The following ACVR1B variants were observed in gnomAD, a reference collection of about 807,000 sequenced individuals.
ACVR1B encodes activin receptor type-1B.
ACVR1B carries 15 observed loss-of-function variants against 55.6 expected under a neutral mutation model. That is an observed-to-expected ratio of 0.27 (90% CI 0.18 to 0.42). The LOEUF is 0.42. ACVR1B is among the 10% of genes least tolerant of loss of function. The pLI is 1.00. For missense variants in ACVR1B, 359 were observed against 670.1 expected (o/e 0.54, Z 5.13); for synonymous variants, 247 against 254.6 (o/e 0.97, Z 0.28).
At chr12:51,952,633 T>C (rs114498903) in intron 1 of ACVR1B, among the ~76,000 whole-genome samples, 1,946 of 152,174 alleles carry the variant, frequency 0.013, 41 homozygotes, top group African/African-American at 0.045. Flanking sequence ...GCTTTCCTCC[T>C]CGCCTCCCCC....
chr12:51,979,645 G>A (rs1941940495), intron 3 of ACVR1B, among the ~76,000 whole-genome samples: 1 of 152,182 alleles, frequency 6.6e-6, no homozygotes. Flanking sequence ...GCTTGTGCTG[G>A]GGAAGCAGGG....
chr12:51,958,735 G>A (rs545566938), intron 1 of ACVR1B, among the ~76,000 whole-genome samples: 6 of 152,156 alleles, frequency 3.9e-5, no homozygotes, highest in South Asian at 2.1e-4. Flanking sequence ...CCTCGCATGC[G>A]CGGTTCACCG....
rs1008343592 is a variant in ACVR1B at position 51,995,694 on chromosome 12, A to G, written c.*1584A>G. 7 of 152,334 alleles carry G rather than the reference A, an allele frequency of 4.6e-5. No homozygotes were observed. Among genetic ancestry groups the G allele is most frequent in the African/African-American group, 1.5e-4 (6 of 41,322 alleles). The allele number at this position is 152,334 out of a possible 1,614,324, so 9.4% of individuals were successfully genotyped here. A position where few individuals can be genotyped will look rare whatever the true frequency, so the allele number is the denominator to read the frequency against. ...TTTGTTTTTAAAGAAATCCCTAAAA[A>G]AAAAAATTATCCAATTGAACGCACA... is the stretch of plus-strand genomic sequence containing the variant. On this transcript the variant is annotated 3_prime_UTR_variant, in exon 9 of 9. Transcript: ENST00000257963.
chr12:51,952,816 GC>G (rs1941331645), intron 1 of ACVR1B, among the ~76,000 whole-genome samples: 1 of 30,706 alleles, frequency 3.3e-5, no homozygotes, highest in Non-Finnish European at 7.1e-5. Context: ...TTCCCAGCCC[GC>G]CCACCCTCAC....
chr12:51,980,694 C>G (rs1395518350), intron 3 of ACVR1B, among the ~76,000 whole-genome samples: 1 of 152,196 alleles, frequency 6.6e-6, no homozygotes, highest in Non-Finnish European at 1.5e-5. Flanking sequence ...AATCTATCAT[C>G]CGTGCTTACT....
intron 1 of ACVR1B, among the ~76,000 whole-genome samples, chr12:51,952,223 A>G (rs953504658): frequency 6.6e-6 from 1 of 151,938 alleles, no homozygotes; most frequent in Non-Finnish European, 1.5e-5. Flanking sequence ...CCCTCCCTCC[A>G]GGTGCTCCTG....
At chr12:51,976,661 GC>G (rs869056489) in intron 3 of ACVR1B, 86 bp downstream of exon 3, 1 of 1,532,170 alleles carries the variant, frequency 6.5e-7, no homozygotes, top group South Asian at 1.2e-5. Flanking sequence ...AAGGCTGGAG[GC>G]CCTGCATTTG....
At chr12:51,962,038 C>T (rs1765140986) in intron 1 of ACVR1B, among the ~76,000 whole-genome samples, 1 of 152,206 alleles carries the variant, frequency 6.6e-6, no homozygotes, top group African/African-American at 2.4e-5. Flanking sequence ...AACGTCTCTT[C>T]TGAGTGAGAA....
chr12:51,967,787 CA>C (rs1272964613), intron 1 of ACVR1B, among the ~76,000 whole-genome samples: 1 of 152,182 alleles, frequency 6.6e-6, no homozygotes, highest in Admixed American at 6.5e-5. Flanking sequence ...CCTGTGAGCC[CA>C]AGAAACTTGC....
chr12:51,982,432 G>A (rs937259582), intron 4 of ACVR1B, among the ~76,000 whole-genome samples: 3 of 152,156 alleles, frequency 2.0e-5, no homozygotes, highest in African/African-American at 7.2e-5. Flanking sequence ...TCTGCTGGCT[G>A]CTTGGACCAT....
At chr12:51,957,958 T>G (rs991742390) in intron 1 of ACVR1B, among the ~76,000 whole-genome samples, 2 of 152,148 alleles carry the variant, frequency 1.3e-5, no homozygotes, top group African/African-American at 2.4e-5. Context: ...AAAGGATAAC[T>G]TGTTTACAGT....
intron 3 of ACVR1B, among the ~76,000 whole-genome samples, chr12:51,977,471 A>AT (rs925360951): frequency 3.9e-5 from 6 of 151,916 alleles, no homozygotes; most frequent in Non-Finnish European, 8.8e-5. Flanking sequence ...TAATTTTTGT[A>AT]TTTTTAGTAG....
intron 3 of ACVR1B, among the ~76,000 whole-genome samples, chr12:51,977,055 G>A (rs1355582941): frequency 1.1e-4 from 17 of 152,146 alleles, no homozygotes; most frequent in Admixed American, 1.1e-3. Context: ...GTTGCCCAAG[G>A]GTTTTTGGTG....
intron 4 of ACVR1B, chr12:51,982,539 GGA>G: frequency 1.2e-6 from 1 of 856,568 alleles, no homozygotes; most frequent in Non-Finnish European, 1.6e-6. Context: ...AGCACAGAGA[GGA>G]TGCTGTGAGT....
chr12:51,951,804 A>C lies in ACVR1B; in HGVS notation c.61A>C (p.Ser21Arg). ...CCTTGTTGTCCTCCTGCTCGCCGGC[A>C]GCGGCGGGTCCGGGCCCCGGGGGGT... ...FPLVVLLLAG[S>R]GGSGPRGVQA... Residue 21 changes from serine (S) to arginine (R), a missense_variant, in exon 1 of 9, where the codon AGC (serine) becomes CGC (arginine). Around this residue, in one of 5 missense-constraint regions of ACVR1B, gnomAD observed 48 missense variants for 40.6 expected, o/e 1.18. Transcript: ENST00000257963. 1 of 1,282,920 alleles carries C rather than the reference A, an allele frequency of 7.8e-7. No homozygotes were observed. The highest frequency in any genetic ancestry group is 2.3e-4 in the Middle Eastern group (1 of 4,352). The allele number at this position is 1,282,920 out of a possible 1,614,324, so 79.5% of individuals were successfully genotyped here. A position where few individuals can be genotyped will look rare whatever the true frequency, so the allele number is the denominator to read the frequency against.
At chr12:51,993,879 C>T in intron 8 of ACVR1B, 106 bp from the exon 9 acceptor site, 1 of 1,426,142 alleles carries the variant, frequency 7.0e-7, no homozygotes, top group Non-Finnish European at 9.3e-7. Context: ...GTGGATCTGC[C>T]AGACTGCACT....
At chr12:51,975,604 T>C in intron 2 of ACVR1B, 100 bp downstream of exon 2, 1 of 1,445,738 alleles carries the variant, frequency 6.9e-7, no homozygotes, top group Admixed American at 2.3e-5. Context: ...GGTTTGACGA[T>C]AAAGATGCCT....
chr12:51,987,035 G>GT, intron 7 of ACVR1B, 93 bp downstream of exon 7: 1 of 1,546,846 alleles, frequency 6.5e-7, no homozygotes, highest in Non-Finnish European at 8.9e-7. Context: ...TTTACAACCT[G>GT]TTGGATGCCT....
rs71092738 is a variant in ACVR1B, at chr12:51,990,312, C to CTTTTTTTTTTT, written c.1262-1539_1262-1529dup. Among the ~76,000 whole-genome samples the CTTTTTTTTTTT allele has an allele frequency of 8.9e-5, 8 of 89,588 alleles. 1 individual carries two copies. Among genetic ancestry groups the CTTTTTTTTTTT allele is most frequent in the African/African-American group, 1.4e-4 (3 of 22,194 alleles). 58.8% of individuals were successfully genotyped at this position (89,588 alleles called of 152,430 possible). On this transcript the variant is annotated intron_variant, in intron 7 of 8. Coordinates refer to ENST00000257963, the MANE Select transcript of ACVR1B (RefSeq NM_004302.5). ...CACACACACACACACAAATTTAGTG[C>CTTTTTTTTTTT]TTTTTTTTTTTTTTTTTTTTTTGAG...
Sources: allele counts gnomAD v4.1 joint callset (sites outside exome capture counted in the v4.1 genomes callset), GRCh38; gene constraint gnomAD v4.1.1; regional missense constraint gnomAD v4.1.1; transcripts MANE v1.5; gene names NCBI Gene and HGNC (gene_info 2026-07-23, HGNC 2026-07-21).